LAMA1: variants seen among roughly 807,000 people sequenced by gnomAD.
LAMA1 encodes the protein laminin subunit alpha-1.
In LAMA1, 219 loss-of-function variants were observed where a neutral mutation model predicts 348.7. That is an observed-to-expected ratio of 0.63 (90% CI 0.56 to 0.70). The LOEUF is 0.70. Among genes scored for constraint, LAMA1 ranks in the 30% least tolerant of loss-of-function variants. LAMA1 has a pLI of 0.00. For missense variants in LAMA1, 3,744 were observed against 3,888.0 expected (o/e 0.96, Z 0.99); for synonymous variants, 1,487 against 1,491.0 (o/e 1.00, Z 0.06).
At chr18:7,077,522 A>T (rs2058174438) in intron 3 of LAMA1, among the ~76,000 whole-genome samples, 1 of 152,052 alleles carries the variant, frequency 6.6e-6, no homozygotes, top group East Asian at 1.9e-4. Context: ...CTTATTTTTT[A>T]AAAATGCCTT....
intron 31 of LAMA1, 93 bp downstream of exon 31, chr18:6,999,818 A>G: frequency 1.5e-6 from 2 of 1,302,718 alleles, no homozygotes; most frequent in South Asian, 2.4e-5. Context: ...GATAATTGAT[A>G]ATGGCTCCCA....
At chr18:7,097,677 G>A (rs1479996150) in intron 1 of LAMA1, among the ~76,000 whole-genome samples, 1 of 152,138 alleles carries the variant, frequency 6.6e-6, no homozygotes, top group East Asian at 1.9e-4. Context: ...GCATAAAACA[G>A]ATGCATAGAT....
intron 1 of LAMA1, among the ~76,000 whole-genome samples, chr18:7,082,649 G>C (rs1204740803): frequency 1.3e-5 from 2 of 152,088 alleles, no homozygotes; most frequent in Non-Finnish European, 2.9e-5. Context: ...TCTCTTATCA[G>C]CTAATCATTT....
At chr18:7,060,726 T>C (rs1313494491) in intron 3 of LAMA1, among the ~76,000 whole-genome samples, 2 of 152,174 alleles carry the variant, frequency 1.3e-5, no homozygotes, top group African/African-American at 4.8e-5. Flanking sequence ...AAAGAAATAC[T>C]TCAAACACCT....
At position 7,046,291 on chromosome 18, in the gene LAMA1, T is replaced by A. The variant is rs1250396858; in HGVS notation, c.845A>T (p.Asp282Val). ...ACTAGAACTCACCTTTGTAGTTTCA[T>A]CCCATGGGCAGCTACTAGCATGGCC... ...CYGHASSCPW[D>V]ETTKKLQCQC... The change falls in exon 6 of 63, where the codon GAT (aspartate) becomes GTT (valine). Residue 282 changes from aspartate (D) to valine (V), a missense_variant. Asp to Val is a radical substitution (Grantham distance 152, BLOSUM62 -3). Coordinates refer to ENST00000389658, the MANE Select transcript of LAMA1 (RefSeq NM_005559.4). 4 of 1,609,288 alleles carry A rather than the reference T, an allele frequency of 2.5e-6. No individual in the cohort carries two copies. In the Admixed American group the frequency reaches 6.7e-5, roughly 27 times the overall value.
At position 6,974,973 on chromosome 18, in the gene LAMA1, C is replaced by T. The variant is rs773262827; in HGVS notation, c.6553G>A (p.Gly2185Arg). 4.5e-5 allele frequency: 72 copies of T among 1,613,786 alleles called. 2 individuals carry two copies. The Admixed American group carries it at 1.1e-3, about 24-fold the overall frequency. ...TCTGGAAACTCCAAGCGTGTGGACCCGGAGCCCAGGTCCCACAGGAAGGCC... is the reference window on the plus strand; with the variant it reads ...TCTGGAAACTCCAAGCGTGTGGACCTGGAGCCCAGGTCCCACAGGAAGGCC... Reference protein sequence around the residue: ...RVAFLWDLGSGSTRLEFPDFP... With the variant: ...RVAFLWDLGSRSTRLEFPDFP... Residue 2185 changes from glycine (G) to arginine (R), a missense_variant, in exon 46 of 63, where the codon GGG becomes AGG. This residue lies in a region of LAMA1 where 1,983 missense variants were observed against 1,934.3 expected (regional missense o/e 1.03). Transcript: ENST00000389658.
intron 14 of LAMA1, among the ~76,000 whole-genome samples, chr18:7,033,568 T>A (rs1467694288): frequency 6.6e-6 from 1 of 152,076 alleles, no homozygotes; most frequent in African/African-American, 2.4e-5. Context: ...TCCCTGGAAA[T>A]GCCTTCAATG....
At chr18:7,109,366 G>A (rs989841183) in intron 1 of LAMA1, among the ~76,000 whole-genome samples, 3 of 152,204 alleles carry the variant, frequency 2.0e-5, no homozygotes, top group Non-Finnish European at 2.9e-5. Context: ...TTTGATCTTC[G>A]AAACAGAAAT....
At position 6,949,198 on chromosome 18, in the gene LAMA1, A is replaced by C; in HGVS notation, c.8459T>G (p.Met2820Arg). Residue 2820 changes from methionine (M) to arginine (R), a missense_variant, in exon 59 of 63, where the codon ATG becomes AGG. Met to Arg is a moderately conservative substitution (Grantham distance 91). Transcript: ENST00000389658. ...FITVDGRESP[M>R]VTVVGDGTML... The stretch of plus-strand genomic sequence containing the variant: ...GGTTCCATCTCCCACCACAGTCACC[A>C]TGGGAGACTCTCGGCCGTCGACAGT... 6.2e-7 allele frequency: 1 copy of C among 1,614,078 alleles called. No homozygotes were observed.
chr18:6,983,045 G>C (rs73938524), intron 40 of LAMA1, 54 bp downstream of exon 40: 6 of 1,612,756 alleles, frequency 3.7e-6, no homozygotes, highest in Non-Finnish European at 4.2e-6. Context: ...GCTCAAACCC[G>C]GTACAGAAAA....
At chr18:7,073,129 G>A (rs182150549) in intron 3 of LAMA1, among the ~76,000 whole-genome samples, 2 of 152,222 alleles carry the variant, frequency 1.3e-5, no homozygotes, top group East Asian at 3.9e-4. Flanking sequence ...CTCCCACACT[G>A]TCAAACCAAT....
intron 56 of LAMA1, chr18:6,956,276 TA>T (rs2057577185): frequency 1.1e-4 from 37 of 341,316 alleles, no homozygotes; most frequent in South Asian, 1.7e-4. Context: ...TTTTTTTTTT[TA>T]AAGCAACAAA....
At chr18:7,039,731 A>T (rs984935351) in intron 10 of LAMA1, among the ~76,000 whole-genome samples, 1 of 152,194 alleles carries the variant, frequency 6.6e-6, no homozygotes. Flanking sequence ...CCCACGAGCC[A>T]TAGTTTACCA....
chr18:7,085,509 C>T (rs1225532469), intron 1 of LAMA1, among the ~76,000 whole-genome samples: 1 of 150,360 alleles, frequency 6.7e-6, no homozygotes, highest in Non-Finnish European at 1.5e-5. Flanking sequence ...AGCTCCACCT[C>T]CCGGGTTCAT....
In LAMA1 at chr18:7,117,787, G is replaced by A; in HGVS notation, c.-67C>T. The A allele has an allele frequency of 1.4e-6, 2 of 1,422,946 alleles. No homozygotes were observed. Among genetic ancestry groups the A allele is most frequent in the East Asian group, 5.0e-5 (2 of 39,930 alleles). The allele number at this position is 1,422,946 out of a possible 1,614,324, so 88.1% of individuals were successfully genotyped here. ...CGCGCCCGCCTGGAACGCTCCACGG[G>A]ACGCGAGTCCGCGCTGCCCTGGCCC... On this transcript the variant is annotated 5_prime_UTR_variant, in exon 1 of 63. Coordinates refer to ENST00000389658, the MANE Select transcript of LAMA1 (RefSeq NM_005559.4).
intron 1 of LAMA1, among the ~76,000 whole-genome samples, chr18:7,097,499 C>CT (rs10566387): frequency 0.036 from 3,995 of 109,868 alleles, 157 homozygotes; most frequent in African/African-American, 0.094. Flanking sequence ...TCTCAGCTGG[C>CT]TTTTTTTTTT....
intron 19 of LAMA1, among the ~76,000 whole-genome samples, chr18:7,019,193 T>C (rs909852340): frequency 2.0e-5 from 3 of 152,086 alleles, no homozygotes; most frequent in Non-Finnish European, 4.4e-5. Context: ...CTGTTCTCCC[T>C]AAAGTCTCCA....
chr18:7,041,039 A>C (rs552816043), intron 9 of LAMA1, among the ~76,000 whole-genome samples: 19 of 152,262 alleles, frequency 1.2e-4, no homozygotes, highest in Non-Finnish European at 1.5e-4. Context: ...TCTTTATGGG[A>C]TGATGAAAAT....
chr18:7,007,022 T>C, intron 29 of LAMA1, 117 bp downstream of exon 29: 1 of 1,396,604 alleles, frequency 7.2e-7, no homozygotes, highest in South Asian at 1.2e-5. Context: ...ATTTTATATT[T>C]AGCTAAATTT....
Sources: allele counts gnomAD v4.1 joint callset (sites outside exome capture counted in the v4.1 genomes callset), GRCh38; gene constraint gnomAD v4.1.1; regional missense constraint gnomAD v4.1.1; transcripts MANE v1.5; gene names NCBI Gene and HGNC (gene_info 2026-07-23, HGNC 2026-07-21).